KRT78: variants seen among roughly 807,000 people sequenced by gnomAD.
The protein encoded by KRT78 is keratin 78, also known as keratin, type II cytoskeletal 78.
Under a neutral mutation model 51.4 loss-of-function variants are expected in KRT78, and 55 were observed. The observed-to-expected ratio is 1.07, with a 90% confidence interval of 0.86 to 1.34. KRT78 has a LOEUF of 1.34. Among genes scored for constraint, KRT78 ranks in the 40% most tolerant of loss-of-function variants. The probability of loss-of-function intolerance (pLI) is 0.00; values close to 1 mark genes in which losing one functional copy is unlikely to be tolerated. For synonymous variants in KRT78, 291 were observed against 264.3 expected, an observed-to-expected ratio of 1.10 and a Z score of -0.98; for missense variants, 652 against 649.4, an observed-to-expected ratio of 1.00 and a Z score of -0.04.
chr12:52,845,816 C>T (rs561565267), intron 4 of KRT78, among the ~76,000 whole-genome samples: 2 of 152,144 alleles, frequency 1.3e-5, no homozygotes, highest in Admixed American at 1.3e-4. Context: ...TAGCTGACCG[C>T]AGTGGCGGGT....
intron 4 of KRT78, 66 bp from the exon 5 acceptor site, chr12:52,844,789 G>T (rs978729890): frequency 1.4e-6 from 2 of 1,467,826 alleles, no homozygotes; most frequent in African/African-American, 2.8e-5. Flanking sequence ...GCCTAGGATG[G>T]TTGAGCAGGA....
chr12:52,846,868 C>G, intron 2 of KRT78, 44 bp from the exon 3 acceptor site: 1 of 1,473,762 alleles, frequency 6.8e-7, no homozygotes. Context: ...GCTCCACGGT[C>G]AGAGCTCATG....
intron 6 of KRT78, among the ~76,000 whole-genome samples, chr12:52,841,257 G>A (rs1940490309): frequency 1.3e-5 from 2 of 152,080 alleles, no homozygotes; most frequent in African/African-American, 4.8e-5. Flanking sequence ...GCTGAGGTGG[G>A]CAGATCACTA....
intron 4 of KRT78, 69 bp from the exon 5 acceptor site, chr12:52,844,792 G>C: frequency 6.9e-7 from 1 of 1,446,720 alleles, no homozygotes; most frequent in Non-Finnish European, 9.4e-7. Context: ...TAGGATGGTT[G>C]AGCAGGATGA....
intron 4 of KRT78, among the ~76,000 whole-genome samples, chr12:52,845,356 G>A (rs1229852031): frequency 6.6e-6 from 1 of 151,952 alleles, no homozygotes; most frequent in Non-Finnish European, 1.5e-5. Flanking sequence ...TACTACTCTG[G>A]CCACACCGAC....
rs765603895 is a variant in KRT78 at position 52,839,815 on chromosome 12, AGGG to A, written c.1214_1216del (p.Ser405del). 6.2e-6 allele frequency: 10 copies of A among 1,614,010 alleles called. No individual in the cohort carries two copies. Among genetic ancestry groups the A allele is most frequent in the Non-Finnish European group, 8.5e-6 (10 of 1,180,002 alleles). ...GCGGTAAGTGGCAATCTCCACATCC[AGGG>A]AAAGCTTCGTGCTCGTCAGCTCCTG... On this transcript the variant is annotated inframe_deletion, in exon 7 of 9. Coordinates refer to ENST00000304620, the MANE Select transcript of KRT78 (RefSeq NM_173352.4).
Position 52,843,759 on chromosome 12 carries a change from T to A in KRT78, c.1047+334A>T, listed in dbSNP as rs187487284. On this transcript the variant is annotated intron_variant, in intron 6 of 8. Transcript: ENST00000304620. ...GATAAGAAAAGAGAAAACAGATGAA[T>A]TAACCATCTCCCCAAGGGGCTGAAA... Among the ~76,000 whole-genome samples, 730 of 149,204 alleles carry A rather than the reference T, an allele frequency of 4.9e-3. 6 individuals carry two copies. Among genetic ancestry groups the A allele is most frequent in the Non-Finnish European group, 4.0e-3 (268 of 67,198 alleles).
chr12:52,843,688 C>CAAAAA lies in KRT78; in HGVS notation c.1047+400_1047+404dup, dbSNP rs1158055717. On this transcript the variant is annotated intron_variant, in intron 6 of 8. Coordinates refer to ENST00000304620, the MANE Select transcript of KRT78 (RefSeq NM_173352.4). ...TGGGCAGTGGAGTAAGACTCTGTCT[C>CAAAAA]AAAAAAAAAAAAAAAAAGAAAAAGA... Among the ~76,000 whole-genome samples the CAAAAA allele has an allele frequency of 1.7e-3, 110 of 63,178 alleles. 2 individuals carry two copies. Among genetic ancestry groups the CAAAAA allele is most frequent in the African/African-American group, 4.1e-3 (96 of 23,530 alleles). 41.4% of individuals were successfully genotyped at this position (63,178 alleles called of 152,430 possible).
At position 52,841,303 on chromosome 12, in the gene KRT78, G is replaced by A. The variant is rs144671727; in HGVS notation, c.1048-1319C>T. On this transcript the variant is annotated intron_variant, in intron 6 of 8. Transcript: ENST00000304620. ...TAGAGACCATCCTGGCTAATACGGC[G>A]AAACCCTGTCTCTACTAAAAATAAA... Among the ~76,000 whole-genome samples the A allele has an allele frequency of 8.6e-3, 1,292 of 150,864 alleles. 29 individuals are homozygous for A. The highest frequency in any genetic ancestry group is 0.063 in the East Asian group (322 of 5,108).
At chr12:52,839,696 C>T (rs1940435114) in intron 7 of KRT78, 68 bp downstream of exon 7, 1 of 1,475,094 alleles carries the variant, frequency 6.8e-7, no homozygotes, top group Non-Finnish European at 9.5e-7. Context: ...TAGCAAGCAG[C>T]TCACTGTGTT....
rs1940387440 is a variant in KRT78 at position 52,838,074 on chromosome 12, T to C, written c.*1039A>G. On this transcript the variant is annotated 3_prime_UTR_variant, in exon 9 of 9. Transcript: ENST00000304620. ...TTCTTGCATAATTTGGATGGAGCGA[T>C]TCATGAATCTGAGGAAAGGTCTGCC... 6.6e-6 allele frequency: 1 copy of C among 152,186 alleles called. No homozygotes were observed. Among genetic ancestry groups the C allele is most frequent in the African/African-American group, 2.4e-5 (1 of 41,426 alleles). The allele number at this position is 152,186 out of a possible 1,614,324, so 9.4% of individuals were successfully genotyped here. A position where few individuals can be genotyped will look rare whatever the true frequency, so the allele number is the denominator to read the frequency against.
At position 52,847,916 on chromosome 12, in the gene KRT78, T is replaced by C. The variant is rs768930846; in HGVS notation, c.590A>G (p.Tyr197Cys). 7.4e-6 allele frequency: 12 copies of C among 1,614,102 alleles called. No homozygotes were observed. In the East Asian group the frequency reaches 2.2e-4, roughly 30 times the overall value. The change falls in exon 2 of 9, where the codon TAT (tyrosine) becomes TGT (cysteine). Residue 197 changes from tyrosine (Y) to cysteine (C), a missense_variant. By Grantham distance (194) the Tyr-to-Cys change is radical (BLOSUM62 -2). Coordinates refer to ENST00000304620, the MANE Select transcript of KRT78 (RefSeq NM_173352.4). Reference sequence around the variant, plus strand: ...ATTTCAGTGTGCCTACTTGGACTTATACTCCTCCTCCTGGTCCCGGCAGGC... The same window carrying C: ...ATTTCAGTGTGCCTACTTGGACTTACACTCCTCCTCCTGGTCCCGGCAGGC... Reference protein sequence around the residue: ...LKACRDQEEEYKSKYEEEAHR... With the variant: ...LKACRDQEEECKSKYEEEAHR...
intron 1 of KRT78, 43 bp from the exon 2 acceptor site, chr12:52,848,164 C>G (rs758576828): frequency 1.3e-6 from 2 of 1,599,034 alleles, no homozygotes; most frequent in South Asian, 2.2e-5. Context: ...TGTGGGACTC[C>G]CTGTGCACAG....
intron 6 of KRT78, among the ~76,000 whole-genome samples, chr12:52,841,954 G>T (rs1469643501): frequency 1.3e-5 from 2 of 152,136 alleles, no homozygotes; most frequent in Non-Finnish European, 2.9e-5. Context: ...CATTTAAAAA[G>T]CAGGTTTCTG....
In KRT78 at chr12:52,848,538, G is replaced by A. The variant is rs1940700962; in HGVS notation, c.384+9C>T. 6.2e-7 allele frequency: 1 copy of A among 1,613,312 alleles called. No homozygotes were observed. The highest frequency in any genetic ancestry group is 1.7e-5 in the Admixed American group (1 of 59,908). On this transcript the variant is annotated intron_variant, in intron 1 of 8. Transcript: ENST00000304620. ...ACAGAGACAGGGGCTTGGCTGAGTT[G>A]ACCCTCACCTTGTCAATGAAGGAAG... is the stretch of plus-strand genomic sequence containing the variant.
In KRT78 at chr12:52,839,355, C is replaced by T. The variant is rs150854777; in HGVS notation, c.1321G>A (p.Ala441Thr). 6.8e-6 allele frequency: 11 copies of T among 1,613,612 alleles called. No individual in the cohort carries two copies. Among genetic ancestry groups the T allele is most frequent in the African/African-American group, 2.7e-5 (2 of 74,818 alleles). Residue 441 changes from alanine to threonine, a missense_variant, in exon 9 of 9, where the codon GCT (alanine) becomes ACT (threonine). Coordinates refer to ENST00000304620, the MANE Select transcript of KRT78 (RefSeq NM_173352.4). ...CCACCAACTCCTCCAGACATGACAG[C>T]GCTGCCTCCCACCGAGGCTGCCAAG... Reference protein sequence around the residue: ...QVTISSVGGSAVMSGGVGGGL... With the variant: ...QVTISSVGGSTVMSGGVGGGL...
Position 52,844,541 on chromosome 12 carries a change from C to CT in KRT78, c.921+17_921+18insA. 2.5e-6 allele frequency: 4 copies of CT among 1,605,524 alleles called. No individual in the cohort carries two copies. In the Admixed American group the frequency reaches 6.8e-5, roughly 27 times the overall value. On this transcript the variant is annotated intron_variant, in intron 5 of 8. Transcript: ENST00000304620. ...CCTAGCCATTTCCAGCATGGTGCTG[C>CT]CCCCCAGGTCCCACCACCTTGGTCT... is the stretch of plus-strand genomic sequence containing the variant.
Position 52,848,628 on chromosome 12 carries a change from A to G in KRT78, c.303T>C (p.Asp101=), listed in dbSNP as rs143030733. ...NLLTPLKIEI[D]PQFQVVRTQE... ...GCGTCCGCACCACCTGGAACTGGGG[A>G]TCGATCTCAATCTTCAGTGGGGTCA... The change falls in exon 1 of 9, where the codon GAT becomes GAC. Residue 101 remains aspartate, a synonymous_variant. Transcript: ENST00000304620. The G allele has an allele frequency of 1.2e-6, 2 of 1,613,970 alleles. No individual in the cohort carries two copies. The highest frequency in any genetic ancestry group is 1.7e-6 in the Non-Finnish European group (2 of 1,179,968).
intron 6 of KRT78, among the ~76,000 whole-genome samples, chr12:52,841,259 A>G (rs1171834241): frequency 2.0e-5 from 3 of 152,034 alleles, no homozygotes; most frequent in Admixed American, 6.6e-5. Flanking sequence ...TGAGGTGGGC[A>G]GATCACTAGG....
Sources: allele counts gnomAD v4.1 joint callset (sites outside exome capture counted in the v4.1 genomes callset), GRCh38; gene constraint gnomAD v4.1.1; transcripts MANE v1.5; gene names NCBI Gene and HGNC (gene_info 2026-07-23, HGNC 2026-07-21).